The following ASIC2 variants were observed in gnomAD, a reference collection of about 807,000 sequenced individuals.
ASIC2 encodes the protein acid sensing ion channel subunit 2, also known as acid-sensing ion channel 2.
Under a neutral mutation model 57.3 loss-of-function variants are expected in ASIC2, and 25 were observed. The observed-to-expected ratio is 0.44, with a 90% confidence interval of 0.32 to 0.61. ASIC2 has a LOEUF of 0.61. Among genes scored for constraint, ASIC2 ranks in the 20% least tolerant of loss-of-function variants. The pLI, the probability that ASIC2 is intolerant of heterozygous loss-of-function variation, is 0.06. For missense variants in ASIC2, 641 were observed against 738.1 expected (o/e 0.87, Z 1.52); for synonymous variants, 319 against 307.5 (o/e 1.04, Z -0.39).
chr17:33,174,463 T>C (rs751593616), intron 1 of ASIC2, among the ~76,000 whole-genome samples: 18 of 151,906 alleles, frequency 1.2e-4, no homozygotes, highest in Non-Finnish European at 2.1e-4. Flanking sequence ...CATTCATTCA[T>C]TCATCAAAAA....
chr17:33,142,790 A>G (rs576206892), intron 1 of ASIC2, among the ~76,000 whole-genome samples: 2 of 152,352 alleles, frequency 1.3e-5, no homozygotes, highest in Non-Finnish European at 2.9e-5. Context: ...CATACCAGCA[A>G]TAAGCTATTT....
intron 1 of ASIC2, among the ~76,000 whole-genome samples, chr17:33,712,156 G>C (rs1349219935): frequency 6.6e-6 from 1 of 152,200 alleles, no homozygotes; most frequent in Non-Finnish European, 1.5e-5. Context: ...TCTTTCAGGG[G>C]AGTTTCACTG....
At chr17:33,376,118 G>A (rs1909268112) in intron 1 of ASIC2, among the ~76,000 whole-genome samples, 1 of 152,048 alleles carries the variant, frequency 6.6e-6, no homozygotes, top group Admixed American at 6.6e-5. Flanking sequence ...CATACCCTAA[G>A]GATTAAAAAA....
At chr17:33,568,843 CAT>C (rs1367438098) in intron 1 of ASIC2, among the ~76,000 whole-genome samples, 1 of 152,130 alleles carries the variant, frequency 6.6e-6, no homozygotes, top group Admixed American at 6.5e-5. Flanking sequence ...AGCTTAAGGT[CAT>C]ATTGTGGAGA....
intron 1 of ASIC2, among the ~76,000 whole-genome samples, chr17:34,072,613 T>C (rs1337158452): frequency 6.6e-6 from 1 of 152,192 alleles, no homozygotes; most frequent in African/African-American, 2.4e-5. Flanking sequence ...TAGAGATGAA[T>C]AAAAGTTGTG....
In ASIC2 at chr17:33,013,729, T is replaced by C. The variant is rs28932; in HGVS notation, c.*236A>G. On this transcript the variant is annotated 3_prime_UTR_variant, in exon 10 of 10. Coordinates refer to ENST00000225823, the MANE Select transcript of ASIC2 (RefSeq NM_183377.2). ...TGAGATGTGATGGCAGGTTCGTTCT[T>C]GGACAGTTCCAGAGTGTGACTCATC... is the stretch of plus-strand genomic sequence containing the variant. 0.041 allele frequency: 22,774 copies of C among 557,590 alleles called. 632 individuals carry two copies. The highest frequency in any genetic ancestry group is 0.097 in the African/African-American group (5,157 of 53,286). 34.5% of individuals were successfully genotyped at this position (557,590 alleles called of 1,614,324 possible). A position where few individuals can be genotyped will look rare whatever the true frequency, so the allele number is the denominator to read the frequency against.
intron 1 of ASIC2, among the ~76,000 whole-genome samples, chr17:34,084,669 C>T (rs867725225): frequency 1.3e-5 from 2 of 152,140 alleles, no homozygotes; most frequent in Non-Finnish European, 2.9e-5. Context: ...TCTTCCTACC[C>T]ATGAGCATGG....
chr17:33,019,941 G>A (rs1282574001), intron 7 of ASIC2, among the ~76,000 whole-genome samples: 4 of 152,136 alleles, frequency 2.6e-5, no homozygotes, highest in Non-Finnish European at 4.4e-5. Context: ...GAAGAGGCCT[G>A]TCCTGGGTCC....
At chr17:33,904,095 G>A (rs548903021) in intron 1 of ASIC2, among the ~76,000 whole-genome samples, 164 of 148,940 alleles carry the variant, frequency 1.1e-3, no homozygotes, top group Non-Finnish European at 1.8e-3. Flanking sequence ...CCCTGGAGGC[G>A]GAGGTTGCAG....
At chr17:33,226,902 T>G (rs1248874926) in intron 1 of ASIC2, among the ~76,000 whole-genome samples, 1 of 152,226 alleles carries the variant, frequency 6.6e-6, no homozygotes, top group East Asian at 1.9e-4. Flanking sequence ...TAATATTATA[T>G]TTTTCACTCA....
chr17:33,968,720 T>C (rs1402700260), intron 1 of ASIC2, among the ~76,000 whole-genome samples: 2 of 152,186 alleles, frequency 1.3e-5, no homozygotes, highest in African/African-American at 2.4e-5. Flanking sequence ...ATTACCGCCA[T>C]GCCTTACAGG....
intron 1 of ASIC2, among the ~76,000 whole-genome samples, chr17:33,637,774 A>G (rs544781450): frequency 6.6e-6 from 1 of 152,358 alleles, no homozygotes; most frequent in South Asian, 2.1e-4. Flanking sequence ...AAACTAGTTC[A>G]CTGAGCCCGT....
intron 3 of ASIC2, among the ~76,000 whole-genome samples, chr17:33,084,456 G>A (rs569392702): frequency 6.6e-6 from 1 of 152,354 alleles, no homozygotes; most frequent in Admixed American, 6.5e-5. Flanking sequence ...CAACTGTGCA[G>A]TGTGGCAGAG....
intron 1 of ASIC2, among the ~76,000 whole-genome samples, chr17:33,274,886 C>T (rs1251493169): frequency 6.6e-6 from 1 of 152,106 alleles, no homozygotes. Context: ...TGGGACTCTT[C>T]CTCCACTCTC....
intron 2 of ASIC2, among the ~76,000 whole-genome samples, chr17:33,089,372 C>G (rs2092148951): frequency 6.6e-6 from 1 of 152,146 alleles, no homozygotes; most frequent in Non-Finnish European, 1.5e-5. Context: ...CAGGTAGCTT[C>G]TAGAAGCAGG....
intron 1 of ASIC2, among the ~76,000 whole-genome samples, chr17:33,567,044 T>C (rs1300201946): frequency 6.6e-6 from 1 of 152,196 alleles, no homozygotes; most frequent in African/African-American, 2.4e-5. Context: ...CCTTTCCTTG[T>C]TTTCTCTTGC....
At chr17:33,670,497 C>G (rs1158828872) in intron 1 of ASIC2, among the ~76,000 whole-genome samples, 1 of 152,176 alleles carries the variant, frequency 6.6e-6, no homozygotes, top group African/African-American at 2.4e-5. Context: ...ACATGGCTAC[C>G]CATCTCAACG....
rs7220241 is a variant in ASIC2 at position 33,633,313 on chromosome 17, G to A, written c.556-521246C>T. Among the ~76,000 whole-genome samples the A allele has an allele frequency of 1.0e-3, 152 of 152,366 alleles. 1 individual carries two copies. The highest frequency in any genetic ancestry group is 3.6e-3 in the African/African-American group (148 of 41,594). On this transcript the variant is annotated intron_variant, in intron 1 of 9. Coordinates refer to the ASIC2 transcript ENST00000359872. Reference sequence around the variant, plus strand: ...GGGTGCAACAAGGACCAGGACACCTGCTTCTCTGGGCAGCCCTGACATCTG... The same window carrying A: ...GGGTGCAACAAGGACCAGGACACCTACTTCTCTGGGCAGCCCTGACATCTG...
chr17:33,155,836 C>T (rs1266370722), intron 1 of ASIC2, among the ~76,000 whole-genome samples: 1 of 152,022 alleles, frequency 6.6e-6, no homozygotes, highest in African/African-American at 2.4e-5. Flanking sequence ...GCCACTGCAC[C>T]CGGTCCTCCA....
Sources: allele counts gnomAD v4.1 joint callset (sites outside exome capture counted in the v4.1 genomes callset), GRCh38; gene constraint gnomAD v4.1.1; transcripts MANE v1.5; gene names NCBI Gene and HGNC (gene_info 2026-07-23, HGNC 2026-07-21).